The following DHX37 variants were observed in gnomAD, a reference collection of about 807,000 sequenced individuals.
DHX37 encodes the protein probable ATP-dependent RNA helicase DHX37.
In DHX37, 52 loss-of-function variants were observed where a neutral mutation model predicts 134.3. The ratio of observed to expected loss-of-function variants is 0.39; its 90% confidence interval spans 0.31 to 0.49. The LOEUF (loss-of-function observed/expected upper bound fraction) is 0.49. DHX37 is among the 20% of genes least tolerant of loss of function. The pLI, the probability that DHX37 is intolerant of heterozygous loss-of-function variation, is 0.93. For missense variants in DHX37, 1,344 were observed against 1,580.8 expected, an observed-to-expected ratio of 0.85 and a Z score of 2.54; for synonymous variants, 634 against 670.7, an observed-to-expected ratio of 0.95 and a Z score of 0.85.
rs770488937 is a variant in DHX37 at position 124,950,169 on chromosome 12, G to A, written c.3196C>T (p.Arg1066Trp). 23 of 1,613,946 alleles carry A rather than the reference G, an allele frequency of 1.4e-5. No individual in the cohort carries two copies. Among genetic ancestry groups the A allele is most frequent in the African/African-American group, 4.0e-5 (3 of 74,948 alleles). The change falls in exon 24 of 27, where the codon CGG becomes TGG. Residue 1066 changes from arginine to tryptophan, a missense_variant. By Grantham distance (101) the Arg-to-Trp change is moderately radical. Transcript: ENST00000308736. The part of the protein sequence containing the change: ...EGIDRYKHFA[R>W]FLLEGQVFRK... Reference sequence around the variant, plus strand: ...CCTACCTGCCCTTCCAGCAGGAACCGGGCAAAGTGCTTGTAGCGGTCAATC... The same window carrying A: ...CCTACCTGCCCTTCCAGCAGGAACCAGGCAAAGTGCTTGTAGCGGTCAATC...
At position 124,954,134 on chromosome 12, in the gene DHX37, G is replaced by A; in HGVS notation, c.2531C>T (p.Ala844Val). Reference protein sequence around the residue: ...ARVAQMKRTWAGQGASLKLGD... With the variant: ...ARVAQMKRTWVGQGASLKLGD... Reference sequence around the variant, plus strand: ...GAGCTTCAGAGAAGCCCCCTGCCCTGCCCAGGTCCTCTTCATCTGGGCCAC... The same window carrying A: ...GAGCTTCAGAGAAGCCCCCTGCCCTACCCAGGTCCTCTTCATCTGGGCCAC... Residue 844 changes from alanine to valine, a missense_variant, in exon 19 of 27, where the codon GCA becomes GTA. Around this residue, in one of 7 missense-constraint regions of DHX37, gnomAD observed 558 missense variants for 650.0 expected, o/e 0.86. Coordinates refer to ENST00000308736, the MANE Select transcript of DHX37 (RefSeq NM_032656.4). 6.2e-7 allele frequency: 1 copy of A among 1,612,694 alleles called. No homozygotes were observed. The highest frequency in any genetic ancestry group is 8.5e-7 in the Non-Finnish European group (1 of 1,179,476).
chr12:124,987,066 T>C lies in DHX37; in HGVS notation c.107-801A>G, dbSNP rs1251538778. On this transcript the variant is annotated intron_variant, in intron 1 of 26. Transcript: ENST00000308736. ...CCAGCCTGATGTTCTCCTAAGAGTGTACGGTGGGGCCGGGCGCGGTGGCGC... is the reference window on the plus strand; with the variant it reads ...CCAGCCTGATGTTCTCCTAAGAGTGCACGGTGGGGCCGGGCGCGGTGGCGC... Among the ~76,000 whole-genome samples, 3 of 152,224 alleles carry C rather than the reference T, an allele frequency of 2.0e-5. No homozygotes were observed. In the South Asian group the frequency reaches 6.2e-4, roughly 32 times the overall value.
At chr12:124,961,220 ACACG>A (rs540731549) in intron 15 of DHX37, among the ~76,000 whole-genome samples, 8 of 104,906 alleles carry the variant, frequency 7.6e-5, no homozygotes, top group African/African-American at 3.1e-4. Context: ...GCACGCACGC[ACACG>A]CACGCACACA....
At position 124,989,107 on chromosome 12, in the gene DHX37, A is replaced by C; in HGVS notation, c.-85T>G. The C allele has an allele frequency of 2.3e-6, 2 of 875,936 alleles. No homozygotes were observed. Among genetic ancestry groups the C allele is most frequent in the Non-Finnish European group, 3.1e-6 (2 of 653,440 alleles). 54.3% of individuals were successfully genotyped at this position (875,936 alleles called of 1,614,324 possible). A position where few individuals can be genotyped will look rare whatever the true frequency, so the allele number is the denominator to read the frequency against. On this transcript the variant is annotated 5_prime_UTR_variant, in exon 1 of 27. Coordinates refer to ENST00000308736, the MANE Select transcript of DHX37 (RefSeq NM_032656.4). ...GCCCACGTGGGTTCCCAGACCACCA[A>C]CTCCGGCCGTGAGACTTCCGGGTTG...
At chr12:124,987,157 A>G (rs1365148500) in intron 1 of DHX37, among the ~76,000 whole-genome samples, 1 of 152,368 alleles carries the variant, frequency 6.6e-6, no homozygotes, top group East Asian at 1.9e-4. Flanking sequence ...AGCCTGGCCA[A>G]CATGGCAAAA....
chr12:124,964,156 T>C (rs4076775), intron 15 of DHX37, among the ~76,000 whole-genome samples: 30,488 of 144,748 alleles, frequency 0.21, 3,989 homozygotes, highest in East Asian at 0.57. Flanking sequence ...GATCACGCCA[T>C]TGCATTCCAG....
Position 124,947,310 on chromosome 12 carries a change from C to T in DHX37, c.*492G>A, listed in dbSNP as rs2135924143. 6.5e-6 allele frequency: 1 copy of T among 153,000 alleles called. No individual in the cohort carries two copies. The highest frequency in any genetic ancestry group is 1.9e-4 in the East Asian group (1 of 5,198). The allele number at this position is 153,000 out of a possible 1,614,324, so 9.5% of individuals were successfully genotyped here. On this transcript the variant is annotated 3_prime_UTR_variant, in exon 27 of 27. Transcript: ENST00000308736. The stretch of plus-strand genomic sequence containing the variant: ...GGCATGGAGCCTGGGGGCCCCCAGC[C>T]AGGCCCCTCAAGGTCAACACAGAGC...
intron 6 of DHX37, among the ~76,000 whole-genome samples, chr12:124,973,774 TG>T (rs1292275003): frequency 6.6e-6 from 1 of 151,798 alleles, no homozygotes; most frequent in African/African-American, 2.4e-5. Context: ...CCTGAATAGC[TG>T]GATTACAGGC....
chr12:124,980,748 C>T lies in DHX37; in HGVS notation c.480G>A (p.Glu160=), dbSNP rs1352964844. The change falls in exon 4 of 27, where the codon GAG becomes GAA. Residue 160 remains glutamate, a synonymous_variant. Coordinates refer to ENST00000308736, the MANE Select transcript of DHX37 (RefSeq NM_032656.4). This position sits in a 1 kb window ranked among gnomAD's most constrained non-coding sequence, Gnocchi z 5.3. The part of the protein sequence containing the change: ...HRKRRRWPSA[E]EEEEEEEESE... ...ACTCCTCCTCCTCCTCCTCCTCCTC[C>T]TCAGCTGAGGGCCAGCGGCGACGCT... 4 of 1,557,772 alleles carry T rather than the reference C, an allele frequency of 2.6e-6. No individual in the cohort carries two copies. In the Middle Eastern group the frequency reaches 5.0e-4, roughly 195 times the overall value.
intron 6 of DHX37, among the ~76,000 whole-genome samples, chr12:124,973,330 G>C (rs140674296): frequency 6.6e-6 from 1 of 151,284 alleles, no homozygotes; most frequent in African/African-American, 2.4e-5. Flanking sequence ...TTTGAACCCA[G>C]GAGGCAAAGG....
rs140218998 is a variant in DHX37, at chr12:124,966,801, G to A, written c.1582C>T (p.Arg528Trp). ...GCCAGCCCCCCACGTACCTCAGCCC[G>A]CGCCTTCTTGGCCCTGGCCCTTGAC... ...KKSRARAKKA[R>W]AEVLPQINLD... The change falls in exon 12 of 27, where the codon CGG (arginine) becomes TGG (tryptophan). Residue 528 changes from arginine to tryptophan, a missense_variant. By Grantham distance (101) the Arg-to-Trp change is moderately radical. Transcript: ENST00000308736. The A allele has an allele frequency of 1.5e-5, 25 of 1,614,104 alleles. No individual in the cohort carries two copies. The African/African-American group carries it at 1.9e-4, about 12-fold the overall frequency.
chr12:124,969,969 G>A (rs183381070), intron 8 of DHX37, among the ~76,000 whole-genome samples: 5 of 152,002 alleles, frequency 3.3e-5, no homozygotes, highest in African/African-American at 1.2e-4. Flanking sequence ...AAGGCACAGC[G>A]TTTCTTTTTG....
At chr12:124,963,878 C>CAAAA (rs71092251) in intron 15 of DHX37, among the ~76,000 whole-genome samples, 4 of 91,676 alleles carry the variant, frequency 4.4e-5, no homozygotes, top group African/African-American at 1.2e-4. Flanking sequence ...AGACTCGTCT[C>CAAAA]AAAAAAAAAA....
At chr12:124,952,884 G>A (rs1954002691) in intron 20 of DHX37, 1 of 203,838 alleles carries the variant, frequency 4.9e-6, no homozygotes, top group African/African-American at 2.3e-5. Flanking sequence ...TGTGAAGAAG[G>A]AAGTTGCGGC....
chr12:124,974,702 C>T lies in DHX37; in HGVS notation c.980+717G>A, dbSNP rs1228005020. Among the ~76,000 whole-genome samples, 6 of 152,136 alleles carry T rather than the reference C, an allele frequency of 3.9e-5. No homozygotes were observed. In the East Asian group the frequency reaches 9.6e-4, roughly 24 times the overall value. ...TGCATTATAAACATATGCTCCCAGC[C>T]ATTGTAAAGCAAGTGCTATATCTGC... On this transcript the variant is annotated intron_variant, in intron 6 of 26. Coordinates refer to ENST00000308736, the MANE Select transcript of DHX37 (RefSeq NM_032656.4).
rs1165447964 is a variant in DHX37 at position 124,954,141 on chromosome 12, T to C, written c.2524A>G (p.Thr842Ala). The change falls in exon 19 of 27, where the codon ACC becomes GCC. Residue 842 changes from threonine to alanine, a missense_variant. This residue lies in a region of DHX37 where 558 missense variants were observed against 650.0 expected (regional missense o/e 0.86). Transcript: ENST00000308736. ...KRARVAQMKR[T>A]WAGQGASLKL... ...AGAGAAGCCCCCTGCCCTGCCCAGGTCCTCTTCATCTGGGCCACCCGGGCC... is the reference window on the plus strand; with the variant it reads ...AGAGAAGCCCCCTGCCCTGCCCAGGCCCTCTTCATCTGGGCCACCCGGGCC... 5.0e-6 allele frequency: 8 copies of C among 1,612,702 alleles called. No individual in the cohort carries two copies. In the East Asian group the frequency reaches 1.8e-4, roughly 36 times the overall value.
rs1316540629 is a variant in DHX37 at position 124,950,222 on chromosome 12, G to T, written c.3143C>A (p.Pro1048His). 1.2e-6 allele frequency: 2 copies of T among 1,613,848 alleles called. No homozygotes were observed. The highest frequency in any genetic ancestry group is 2.2e-5 in the South Asian group (2 of 91,074). Residue 1048 changes from proline to histidine, a missense_variant, in exon 24 of 27, where the codon CCC (proline) becomes CAC (histidine). Physicochemically the swap from Pro to His is moderately conservative, Grantham distance 77. Transcript: ENST00000308736. ...CTCTGGAAAATCCACCTCGATGGCG[G>T]GGAGCGGCCAGCCCACGCGATCTAG... Reference protein sequence around the residue: ...SVFYRVGWPLPAIEVDFPEGI... With the variant: ...SVFYRVGWPLHAIEVDFPEGI...
intron 3 of DHX37, 123 bp downstream of exon 3, chr12:124,982,388 C>T: frequency 2.3e-6 from 3 of 1,311,884 alleles, no homozygotes; most frequent in Non-Finnish European, 2.1e-6. Flanking sequence ...AATTTTCAGC[C>T]ACTCAGGCCA....
chr12:124,968,537 C>G lies in DHX37; in HGVS notation c.1405G>C (p.Ala469Pro), dbSNP rs138583236. ...KVCKIHRMLP[A>P]GGILVFLTGQ... ...CCTGACCTGGCCAGGGCCTCACCTG[C>G]GGGCAGCATCCGGTGGATCTTGCAG... is the stretch of plus-strand genomic sequence containing the variant. Residue 469 changes from alanine to proline, a missense_variant, in exon 10 of 27, where the codon GCA becomes CCA. Physicochemically the swap from Ala to Pro is conservative, Grantham distance 27. Transcript: ENST00000308736. The G allele has an allele frequency of 2.6e-5, 42 of 1,612,850 alleles. 1 individual carries two copies. Among genetic ancestry groups the G allele is most frequent in the South Asian group, 1.9e-4 (17 of 91,090 alleles).
Sources: allele counts gnomAD v4.1 joint callset (sites outside exome capture counted in the v4.1 genomes callset), GRCh38; gene constraint gnomAD v4.1.1; regional missense constraint gnomAD v4.1.1; non-coding constraint Gnocchi (gnomAD v3.1); transcripts MANE v1.5; gene names NCBI Gene and HGNC (gene_info 2026-07-23, HGNC 2026-07-21).